The following ADGB variants were observed in gnomAD, a reference collection of about 807,000 sequenced individuals.
ADGB encodes androglobin.
In ADGB, 172 loss-of-function variants were observed where a neutral mutation model predicts 210.5. That is an observed-to-expected ratio of 0.82 (90% CI 0.72 to 0.93). ADGB has a LOEUF of 0.93. ADGB is among the 40% of genes least tolerant of loss of function. The pLI, the probability that ADGB is intolerant of heterozygous loss-of-function variation, is 0.00. For missense variants in ADGB, 2,025 were observed against 1,964.8 expected (o/e 1.03, Z -0.58); for synonymous variants, 658 against 662.7 (o/e 0.99, Z 0.11).
At position 146,815,269 on chromosome 6, in the gene ADGB, A is replaced by G. The variant is rs1473414912; in HGVS notation, c.*52A>G. 7.3e-7 allele frequency: 1 copy of G among 1,367,516 alleles called. No homozygotes were observed. Among genetic ancestry groups the G allele is most frequent in the African/African-American group, 1.5e-5 (1 of 65,744 alleles). 84.7% of individuals were successfully genotyped at this position (1,367,516 alleles called of 1,614,324 possible). A position where few individuals can be genotyped will look rare whatever the true frequency, so the allele number is the denominator to read the frequency against. On this transcript the variant is annotated 3_prime_UTR_variant, in exon 36 of 36. Coordinates refer to ENST00000397944, the MANE Select transcript of ADGB (RefSeq NM_024694.4). ...TTCTGGAGAGAAAAAATCTATTTGT[A>G]ATGATCTTTAACTGCCTGCTGTTAA...
intron 1 of ADGB, among the ~76,000 whole-genome samples, chr6:146,603,618 A>G (rs2114822470): frequency 6.6e-6 from 1 of 152,342 alleles, no homozygotes; most frequent in Admixed American, 6.5e-5. Flanking sequence ...AAATAATATT[A>G]AGCCTTTCAA....
chr6:146,770,340 G>T (rs988430418), intron 29 of ADGB: 2 of 222,162 alleles, frequency 9.0e-6, no homozygotes, highest in East Asian at 2.4e-4. Flanking sequence ...ATTCTAGTAT[G>T]TGTCTTAAAA....
At chr6:146,650,133 T>G (rs922393941) in intron 3 of ADGB, among the ~76,000 whole-genome samples, 3 of 152,208 alleles carry the variant, frequency 2.0e-5, no homozygotes, top group Admixed American at 1.3e-4. Flanking sequence ...TTTGCCCTGA[T>G]AGGTAATCCT....
chr6:146,706,384 C>T (rs528986185), intron 13 of ADGB, among the ~76,000 whole-genome samples: 84 of 151,910 alleles, frequency 5.5e-4, no homozygotes, highest in Non-Finnish European at 9.1e-4. Flanking sequence ...CTCAGCCTCT[C>T]GAGTAGTTGG....
rs1776546173 is a variant in ADGB at position 146,704,942 on chromosome 6, A to G, written c.1707+3872A>G. Reference sequence around the variant, plus strand: ...TGGCTAGTACAGCCATTTTAACAATATGAATTCTTTCAGTTCATGAACATG... The same window carrying G: ...TGGCTAGTACAGCCATTTTAACAATGTGAATTCTTTCAGTTCATGAACATG... On this transcript the variant is annotated intron_variant, in intron 13 of 35. Coordinates refer to ENST00000397944, the MANE Select transcript of ADGB (RefSeq NM_024694.4). Among the ~76,000 whole-genome samples the G allele has an allele frequency of 3.3e-5, 5 of 152,160 alleles. No homozygotes were observed. In the South Asian group the frequency reaches 8.3e-4, roughly 25 times the overall value.
intron 12 of ADGB, 56 bp downstream of exon 12, chr6:146,692,971 G>A: frequency 9.9e-7 from 1 of 1,007,136 alleles, no homozygotes; most frequent in Non-Finnish European, 1.5e-6. Flanking sequence ...ACTTTGTGAT[G>A]TGTCTGGCTA....
intron 1 of ADGB, among the ~76,000 whole-genome samples, chr6:146,626,018 G>A (rs1446475857): frequency 1.3e-5 from 2 of 151,474 alleles, no homozygotes; most frequent in Non-Finnish European, 1.5e-5. Context: ...GCTATATTTT[G>A]GATAGATTAT....
chr6:146,811,086 C>G (rs79031895), intron 35 of ADGB, among the ~76,000 whole-genome samples: 4 of 152,114 alleles, frequency 2.6e-5, no homozygotes, highest in Admixed American at 2.6e-4. Context: ...TTAATAAATG[C>G]AAATGTGCAT....
intron 2 of ADGB, among the ~76,000 whole-genome samples, chr6:146,636,431 A>T (rs1775423001): frequency 6.6e-6 from 1 of 152,086 alleles, no homozygotes; most frequent in East Asian, 1.9e-4. Context: ...TAGCACCTAA[A>T]CAAGTTCCAA....
intron 30 of ADGB, among the ~76,000 whole-genome samples, chr6:146,784,350 A>G (rs561488646): frequency 2.5e-4 from 38 of 152,134 alleles, no homozygotes; most frequent in Non-Finnish European, 1.0e-4. Flanking sequence ...TCAATAGTTT[A>G]TTACTTTTTA....
At chr6:146,684,501 G>T (rs1443041718) in intron 9 of ADGB, among the ~76,000 whole-genome samples, 1 of 151,978 alleles carries the variant, frequency 6.6e-6, no homozygotes, top group Non-Finnish European at 1.5e-5. Context: ...TGGTCAATGT[G>T]GGTATCTCAA....
At chr6:146,777,517 C>T (rs1000551875) in intron 29 of ADGB, among the ~76,000 whole-genome samples, 2 of 152,122 alleles carry the variant, frequency 1.3e-5, no homozygotes, top group African/African-American at 4.8e-5. Flanking sequence ...CTTGGATCAG[C>T]TGCCTTAGCA....
intron 9 of ADGB, among the ~76,000 whole-genome samples, chr6:146,677,391 A>C (rs1562272029): frequency 6.6e-6 from 1 of 152,032 alleles, no homozygotes; most frequent in East Asian, 1.9e-4. Context: ...CTTATTAATA[A>C]ATTTTTATCT....
intron 9 of ADGB, among the ~76,000 whole-genome samples, chr6:146,684,395 C>A (rs954546551): frequency 2.0e-5 from 3 of 152,018 alleles, no homozygotes; most frequent in African/African-American, 7.2e-5. Flanking sequence ...CACAATCTTT[C>A]TTTTGATTAG....
chr6:146,768,086 A>G (rs1044475785), intron 28 of ADGB, among the ~76,000 whole-genome samples: 13 of 152,228 alleles, frequency 8.5e-5, no homozygotes, highest in Non-Finnish European at 1.8e-4. Context: ...AAGTAACCCA[A>G]TCCACTGATG....
At chr6:146,679,828 G>A (rs967550401) in intron 9 of ADGB, among the ~76,000 whole-genome samples, 11 of 152,070 alleles carry the variant, frequency 7.2e-5, no homozygotes, top group Non-Finnish European at 1.3e-4. Context: ...AAATACCGAA[G>A]TTCTATAAGA....
chr6:146,785,798 G>C (rs1048719194), intron 32 of ADGB, 86 bp downstream of exon 32: 4 of 959,906 alleles, frequency 4.2e-6, no homozygotes, highest in Non-Finnish European at 6.2e-6. Flanking sequence ...GGTTGTGCTT[G>C]GTGAAAAGGA....
At chr6:146,608,173 A>G (rs1780657397) in intron 1 of ADGB, among the ~76,000 whole-genome samples, 1 of 151,082 alleles carries the variant, frequency 6.6e-6, no homozygotes, top group Non-Finnish European at 1.5e-5. Flanking sequence ...TAGGATTTTT[A>G]GTTTGTTTGC....
intron 27 of ADGB, among the ~76,000 whole-genome samples, chr6:146,759,711 T>A (rs1465056726): frequency 6.6e-6 from 1 of 151,838 alleles, no homozygotes; most frequent in Non-Finnish European, 1.5e-5. Context: ...CATGCATTGT[T>A]ATTTTCTTAT....
Sources: allele counts gnomAD v4.1 joint callset (sites outside exome capture counted in the v4.1 genomes callset), GRCh38; gene constraint gnomAD v4.1.1; transcripts MANE v1.5; gene names NCBI Gene and HGNC (gene_info 2026-07-23, HGNC 2026-07-21).